ZNF500: variants seen among roughly 807,000 people sequenced by gnomAD.
The protein encoded by ZNF500 is zinc finger protein with KRAB and SCAN domains 18.
In ZNF500, 31 loss-of-function variants were observed where a neutral mutation model predicts 30.1. The observed-to-expected ratio is 1.03, with a 90% CI of 0.77 to 1.39. ZNF500 has a LOEUF of 1.39. ZNF500 is among the 40% of genes most tolerant of loss of function. The pLI is 0.00. For missense variants in ZNF500, 817 were observed against 657.8 expected (o/e 1.24, Z -2.65); for synonymous variants, 392 against 282.0 (o/e 1.39, Z -3.91).
rs926488408 is a variant in ZNF500 at position 4,751,399 on chromosome 16, G to A, written c.*977C>T. ...GGGCCCCGGCCCTGGGGAGATGTCA[G>A]GCCCGTCACATCCCAGGCAACATGT... On this transcript the variant is annotated 3_prime_UTR_variant, in exon 6 of 6. Transcript: ENST00000219478. 30 of 616,360 alleles carry A rather than the reference G, an allele frequency of 4.9e-5. No individual in the cohort carries two copies. In the Admixed American group the frequency reaches 5.6e-4, roughly 12 times the overall value. The allele number at this position is 616,360 out of a possible 1,614,324, so 38.2% of individuals were successfully genotyped here.
intron 4 of ZNF500, among the ~76,000 whole-genome samples, chr16:4,761,891 C>A (rs566052783): frequency 1.1e-4 from 16 of 147,100 alleles, no homozygotes; most frequent in African/African-American, 4.0e-4. Context: ...AAACAAAAAC[C>A]CCAAAAAAAC....
chr16:4,753,908 C>T (rs1417058501), intron 5 of ZNF500, among the ~76,000 whole-genome samples: 1 of 152,216 alleles, frequency 6.6e-6, no homozygotes, highest in African/African-American at 2.4e-5. Flanking sequence ...CCTCCCTTGT[C>T]GTACTTGGTG....
chr16:4,744,390 CAGG>C (rs548011045), downstream of ZNF500, among the ~76,000 whole-genome samples: 27 of 152,210 alleles, frequency 1.8e-4, no homozygotes, highest in East Asian at 3.5e-3. Context: ...AACCCATATT[CAGG>C]AGGAGTCCAG....
At chr16:4,765,108 C>A (rs1193933635) in intron 2 of ZNF500, among the ~76,000 whole-genome samples, 1 of 152,114 alleles carries the variant, frequency 6.6e-6, no homozygotes, top group African/African-American at 2.4e-5. Flanking sequence ...CAAGACCAGT[C>A]TGGGCAACAT....
chr16:4,766,113 C>T, intron 1 of ZNF500, 37 bp from the exon 2 acceptor site: 1 of 1,112,766 alleles, frequency 9.0e-7, no homozygotes, highest in South Asian at 1.9e-5. Flanking sequence ...AAGGGCAGCC[C>T]TGGGGCTGGA....
chr16:4,744,563 T>C (rs948383183), downstream of ZNF500, among the ~76,000 whole-genome samples: 9 of 152,218 alleles, frequency 5.9e-5, no homozygotes, highest in African/African-American at 1.9e-4. Context: ...GAACTGTTCA[T>C]TATGATCACC....
At chr16:4,766,458 A>G (rs1421665362) in intron 1 of ZNF500, among the ~76,000 whole-genome samples, 1 of 152,116 alleles carries the variant, frequency 6.6e-6, no homozygotes, top group Non-Finnish European at 1.5e-5. Context: ...TGTCTCTACA[A>G]AAAATACAAA....
Position 4,762,317 on chromosome 16 carries a change from T to C in ZNF500, c.617A>G (p.His206Arg). 2 of 1,609,998 alleles carry C rather than the reference T, an allele frequency of 1.2e-6. No individual in the cohort carries two copies. The highest frequency in any genetic ancestry group is 1.7e-6 in the Non-Finnish European group (2 of 1,178,286). ...GGGCGAGGCTGACGCCATCTCCTGA[T>C]GCCGGGGAGCTGGAGGGCCTGGGAA... ...WPERGPPAPR[H>R]QEMASASPFL... The change falls in exon 4 of 6, where the codon CAT becomes CGT. Residue 206 changes from histidine to arginine, a missense_variant. Coordinates refer to ENST00000219478, the MANE Select transcript of ZNF500 (RefSeq NM_021646.4).
chr16:4,762,367 C>A, intron 3 of ZNF500, 32 bp from the exon 4 acceptor site: 1 of 1,584,454 alleles, frequency 6.3e-7, no homozygotes, highest in South Asian at 1.2e-5. Context: ...ACCAGTCACA[C>A]AGCTCACCCA....
rs3747602 is a variant in ZNF500, at chr16:4,752,385, G to A, written c.1434C>T (p.Ala478=). The part of the protein sequence containing the change: ...LQPVAPGGPG[A]KA Reference sequence around the variant, plus strand: ...GTTTCAGGCCTGGTGATCAGGCTTTGGCACCGGGGCCTCCAGGAGCCACCG... The same window carrying A: ...GTTTCAGGCCTGGTGATCAGGCTTTAGCACCGGGGCCTCCAGGAGCCACCG... Residue 478 remains alanine (A), a synonymous_variant, in exon 6 of 6, where the codon GCC becomes GCT. Coordinates refer to ENST00000219478, the MANE Select transcript of ZNF500 (RefSeq NM_021646.4). The A allele has an allele frequency of 6.7e-7, 1 of 1,497,518 alleles. No homozygotes were observed. The highest frequency in any genetic ancestry group is 2.5e-5 in the East Asian group (1 of 40,394). 92.8% of individuals were successfully genotyped at this position (1,497,518 alleles called of 1,614,324 possible).
chr16:4,746,051 G>A (rs2082013148), downstream of ZNF500: 1 of 236,960 alleles, frequency 4.2e-6, no homozygotes. Flanking sequence ...CACCTAACGT[G>A]GTGAATGTGA....
intron 2 of ZNF500, chr16:4,764,118 G>A (rs543144937): frequency 1.0e-6 from 1 of 985,008 alleles, no homozygotes; most frequent in African/African-American, 1.7e-5. Flanking sequence ...TGTCTATAGA[G>A]ATTTCGGTGT....
rs771502550 is a variant in ZNF500 at position 4,765,430 on chromosome 16, G to A, written c.414+135C>T. 63 of 1,242,268 alleles carry A rather than the reference G, an allele frequency of 5.1e-5. No individual in the cohort carries two copies. The Admixed American group carries it at 1.4e-3, about 29-fold the overall frequency. The allele number at this position is 1,242,268 out of a possible 1,614,324, so 77.0% of individuals were successfully genotyped here. A position where few individuals can be genotyped will look rare whatever the true frequency, so the allele number is the denominator to read the frequency against. ...ATTAGCCAAGGCTGAGAAATCTTTT[G>A]CAGTTGCTTTCCTCAAAAGGGCTCA... On this transcript the variant is annotated intron_variant, in intron 2 of 5. Transcript: ENST00000219478.
At chr16:4,761,359 G>A (rs143642408) in intron 4 of ZNF500, among the ~76,000 whole-genome samples, 4,759 of 151,900 alleles carry the variant, frequency 0.031, 135 homozygotes, top group Admixed American at 0.098. Context: ...AAAATCGCTT[G>A]AACCCGGGAG....
chr16:4,762,347 C>CAG lies in ZNF500; in HGVS notation c.599-14_599-13dup. 6.3e-7 allele frequency: 1 copy of CAG among 1,599,860 alleles called. No homozygotes were observed. Among genetic ancestry groups the CAG allele is most frequent in the Non-Finnish European group, 8.5e-7 (1 of 1,173,368 alleles). The stretch of plus-strand genomic sequence containing the variant: ...GGGAGCTGGAGGGCCTGGGAAGGAG[C>CAG]AGAGTCACCACCAGTCACACAGCTC... On this transcript the variant is annotated splice_polypyrimidine_tract_variant and intron_variant, in intron 3 of 5. Coordinates refer to ENST00000219478, the MANE Select transcript of ZNF500 (RefSeq NM_021646.4).
chr16:4,752,589 G>C lies in ZNF500; in HGVS notation c.1230C>G (p.Ala410=). 1 of 1,589,542 alleles carries C rather than the reference G, an allele frequency of 6.3e-7. No homozygotes were observed. The highest frequency in any genetic ancestry group is 8.6e-7 in the Non-Finnish European group (1 of 1,168,810). The change falls in exon 6 of 6, where the codon GCC becomes GCG. Residue 410 remains alanine (A), a synonymous_variant. Coordinates refer to ENST00000219478, the MANE Select transcript of ZNF500 (RefSeq NM_021646.4). The part of the protein sequence containing the change: ...RRTHSGERPY[A]CTQCGKRFNN... ...TGAAGCGCTTCCCGCACTGGGTGCA[G>C]GCATAGGGCCGCTCCCCGCTGTGTG...
chr16:4,744,768 C>T (rs2142210699), downstream of ZNF500: 5 of 1,397,756 alleles, frequency 3.6e-6, no homozygotes, highest in East Asian at 2.3e-5. Flanking sequence ...AGCCTGAGGT[C>T]CATTCACATG....
At chr16:4,763,329 G>T (rs1236800254) in intron 2 of ZNF500, among the ~76,000 whole-genome samples, 1 of 151,312 alleles carries the variant, frequency 6.6e-6, no homozygotes, top group Non-Finnish European at 1.5e-5. Context: ...AACTCGGGAA[G>T]TACAGGTTGC....
chr16:4,756,185 G>A (rs1266470515), intron 5 of ZNF500, among the ~76,000 whole-genome samples: 4 of 152,200 alleles, frequency 2.6e-5, no homozygotes, highest in African/African-American at 7.2e-5. Context: ...ATCATTTGAC[G>A]TCAGGAGTTC....
Sources: gnomAD v4.1 joint callset for allele counts (sites outside exome capture counted in the v4.1 genomes callset) on GRCh38, gnomAD v4.1.1 for gene constraint, MANE v1.5 for transcripts, NCBI Gene and HGNC (gene_info 2026-07-23, HGNC 2026-07-21) for gene names.